RNF150: variants seen among roughly 807,000 people sequenced by gnomAD.
RNF150 encodes the protein ring finger protein 150.
RNF150 carries 24 observed loss-of-function variants against 39.3 expected under a neutral mutation model. That is an observed-to-expected ratio of 0.61 (90% CI 0.44 to 0.86). The LOEUF (loss-of-function observed/expected upper bound fraction) is 0.86. Among genes scored for constraint, RNF150 ranks in the 40% least tolerant of loss-of-function variants. RNF150 has a pLI of 0.00. For missense variants in RNF150, 502 were observed against 587.8 expected (o/e 0.85, Z 1.51); for synonymous variants, 255 against 227.3 (o/e 1.12, Z -1.10).
intron 1 of RNF150, among the ~76,000 whole-genome samples, chr4:141,086,451 T>C (rs1365450865): frequency 6.6e-6 from 1 of 152,158 alleles, no homozygotes; most frequent in African/African-American, 2.4e-5. Flanking sequence ...TGCTTTAATT[T>C]GAATTTTGTT....
rs947420442 is a variant in RNF150, at chr4:140,963,755, A to G, written c.735+3868T>C. ...TGGTTCATAATGGAAATCCATTAATATCATCCATTTATTTTAATAGATCTA... is the reference window on the plus strand; with the variant it reads ...TGGTTCATAATGGAAATCCATTAATGTCATCCATTTATTTTAATAGATCTA... On this transcript the variant is annotated intron_variant, in intron 2 of 6. Coordinates refer to ENST00000515673, the MANE Select transcript of RNF150 (RefSeq NM_020724.2). 5.4e-4 allele frequency among the ~76,000 whole-genome samples: 82 copies of G among 152,188 alleles called. 1 individual carries two copies. Among genetic ancestry groups the G allele is most frequent in the African/African-American group, 1.8e-3 (76 of 41,570 alleles).
chr4:140,958,522 T>A (rs539051647), intron 2 of RNF150, among the ~76,000 whole-genome samples: 43 of 152,274 alleles, frequency 2.8e-4, no homozygotes, highest in African/African-American at 1.0e-3. Context: ...GAAAATCATT[T>A]TATATTTCTC....
intron 1 of RNF150, among the ~76,000 whole-genome samples, chr4:141,163,489 G>A (rs931896644): frequency 6.6e-6 from 1 of 152,176 alleles, no homozygotes; most frequent in Non-Finnish European, 1.5e-5. Flanking sequence ...GGGTCTCTGG[G>A]CCCTGTGCCT....
chr4:141,001,790 C>T (rs544014132), intron 1 of RNF150, among the ~76,000 whole-genome samples: 79 of 152,088 alleles, frequency 5.2e-4, no homozygotes, highest in African/African-American at 1.4e-3. Flanking sequence ...ATTGGGAAAG[C>T]CTCTTGAAAA....
At chr4:141,125,367 A>T (rs1578752769) in intron 1 of RNF150, among the ~76,000 whole-genome samples, 1 of 152,308 alleles carries the variant, frequency 6.6e-6, no homozygotes, top group Middle Eastern at 3.4e-3. Context: ...TTACCACCAA[A>T]ACCCTCAAGA....
chr4:140,905,654 T>C (rs1730345424), intron 6 of RNF150, among the ~76,000 whole-genome samples: 1 of 143,810 alleles, frequency 7.0e-6, no homozygotes, highest in Non-Finnish European at 1.6e-5. Flanking sequence ...CACCTCCCAA[T>C]CCCAGGCCTG....
chr4:140,948,775 T>C (rs1161766855), intron 3 of RNF150, among the ~76,000 whole-genome samples: 1 of 152,178 alleles, frequency 6.6e-6, no homozygotes, highest in Non-Finnish European at 1.5e-5. Context: ...TCAGAGGGGT[T>C]GAATATACTT....
chr4:140,907,896 T>C (rs1215090870), intron 6 of RNF150, among the ~76,000 whole-genome samples: 1 of 152,222 alleles, frequency 6.6e-6, no homozygotes, highest in Non-Finnish European at 1.5e-5. Context: ...AGCTAATATA[T>C]GAAAAAGGCT....
intron 6 of RNF150, among the ~76,000 whole-genome samples, chr4:140,909,670 A>T (rs961556910): frequency 2.0e-5 from 3 of 152,152 alleles, no homozygotes; most frequent in African/African-American, 7.2e-5. Context: ...GAAAAATTTA[A>T]ATTACATGCA....
At chr4:140,985,146 T>C (rs1397701929) in intron 1 of RNF150, among the ~76,000 whole-genome samples, 2 of 152,124 alleles carry the variant, frequency 1.3e-5, no homozygotes, top group Non-Finnish European at 2.9e-5. Flanking sequence ...CTACACTGCC[T>C]CCTAAATATC....
chr4:141,002,658 A>G (rs987817062), intron 1 of RNF150, among the ~76,000 whole-genome samples: 6 of 152,196 alleles, frequency 3.9e-5, no homozygotes, highest in African/African-American at 1.4e-4. Context: ...TGCATGCACC[A>G]AGAGACATGA....
At chr4:141,089,109 A>G (rs1172974866) in intron 1 of RNF150, among the ~76,000 whole-genome samples, 2 of 152,132 alleles carry the variant, frequency 1.3e-5, no homozygotes, top group African/African-American at 4.8e-5. Flanking sequence ...AAAGGAAGAA[A>G]AGCTAGTTGC....
rs1726915349 is a variant in RNF150 at position 141,132,307 on chromosome 4, G to C, written c.484+18C>G. The C allele has an allele frequency of 1.3e-6, 2 of 1,560,448 alleles. No individual in the cohort carries two copies. Among genetic ancestry groups the C allele is most frequent in the Non-Finnish European group, 1.7e-6 (2 of 1,152,034 alleles). On this transcript the variant is annotated intron_variant, in intron 1 of 6. Transcript: ENST00000515673. This position sits in a 1 kb window ranked among gnomAD's most constrained non-coding sequence, Gnocchi z 4.9. ...GTCCCCGCCGGCTCCCCTCCCCCGC[G>C]CCCGCTGGGCCACTCACCCGCGTGG...
chr4:140,965,272 C>A (rs1579010228), intron 2 of RNF150, among the ~76,000 whole-genome samples: 1 of 152,074 alleles, frequency 6.6e-6, no homozygotes, highest in Admixed American at 6.5e-5. Flanking sequence ...AAAAAGGAAT[C>A]CTAGTACACT....
At chr4:140,915,770 G>A (rs768405039) in intron 5 of RNF150, among the ~76,000 whole-genome samples, 1 of 152,180 alleles carries the variant, frequency 6.6e-6, no homozygotes, top group Non-Finnish European at 1.5e-5. Context: ...CCTGACCCCC[G>A]AGTAGCCTAA....
chr4:141,158,344 G>A (rs1727450636), intron 1 of RNF150, among the ~76,000 whole-genome samples: 1 of 151,938 alleles, frequency 6.6e-6, no homozygotes, highest in Non-Finnish European at 1.5e-5. Context: ...AACCTGAGAA[G>A]TGTGCTTATC....
At chr4:141,085,544 C>T (rs1430903590) in intron 1 of RNF150, among the ~76,000 whole-genome samples, 1 of 152,158 alleles carries the variant, frequency 6.6e-6, no homozygotes, top group Admixed American at 6.5e-5. Flanking sequence ...TGCCAGACTG[C>T]CCCAGCCATC....
At chr4:141,100,930 A>G (rs1488974153) in intron 1 of RNF150, among the ~76,000 whole-genome samples, 1 of 152,204 alleles carries the variant, frequency 6.6e-6, no homozygotes, top group African/African-American at 2.4e-5. Context: ...ATATGCCATA[A>G]AAGATTTAAA....
intron 5 of RNF150, among the ~76,000 whole-genome samples, chr4:140,916,121 T>C (rs1730815961): frequency 1.3e-5 from 2 of 151,904 alleles, no homozygotes; most frequent in African/African-American, 4.8e-5. Flanking sequence ...AACCGGAAAC[T>C]CTAAAAATCA....
Sources: gnomAD v4.1 joint callset for allele counts (sites outside exome capture counted in the v4.1 genomes callset) on GRCh38, gnomAD v4.1.1 for gene constraint, Gnocchi (gnomAD v3.1) non-coding constraint, MANE v1.5 for transcripts, NCBI Gene and HGNC (gene_info 2026-07-23, HGNC 2026-07-21) for gene names.